Variants in MSRA observed in about 807,000 individuals in gnomAD.
MSRA encodes the protein mitochondrial peptide methionine sulfoxide reductase.
MSRA carries 54 observed loss-of-function variants against 31.3 expected under a neutral mutation model. The ratio of observed to expected loss-of-function variants is 1.73; its 90% CI spans 1.39 to 2.17. The LOEUF is 2.17. Among genes scored for constraint, MSRA ranks in the 30% most tolerant of loss-of-function variants. The probability of loss-of-function intolerance (pLI) is 0.00; values close to 1 mark genes in which losing one functional copy is unlikely to be tolerated. For missense variants in MSRA, 507 were observed against 300.9 expected (o/e 1.69, Z -5.07); for synonymous variants, 169 against 116.5 (o/e 1.45, Z -2.90).
intron 1 of MSRA, among the ~76,000 whole-genome samples, chr8:10,068,584 C>A (rs553747124): frequency 6.6e-6 from 1 of 152,136 alleles, no homozygotes; most frequent in Non-Finnish European, 1.5e-5. Context: ...CATCGTATTG[C>A]CTTTGCTCAT....
chr8:10,278,152 T>C (rs1251407774), intron 3 of MSRA, among the ~76,000 whole-genome samples: 2 of 152,208 alleles, frequency 1.3e-5, no homozygotes, highest in Admixed American at 6.5e-5. Context: ...GTGGTTCTTC[T>C]GGACTGAGAA....
intron 4 of MSRA, among the ~76,000 whole-genome samples, chr8:10,312,297 A>C (rs1801475323): frequency 6.6e-6 from 1 of 152,258 alleles, no homozygotes; most frequent in Non-Finnish European, 1.5e-5. Context: ...GAGAAGACAC[A>C]AATATACAAC....
At chr8:10,245,059 T>A (rs372910520) in intron 2 of MSRA, 45 bp from the exon 3 acceptor site, 37 of 1,598,670 alleles carry the variant, frequency 2.3e-5, no homozygotes, top group Middle Eastern at 1.7e-4. Context: ...GACCACTTTG[T>A]TTTGAATAAT....
At chr8:10,249,921 G>C (rs1301799417) in intron 3 of MSRA, among the ~76,000 whole-genome samples, 4 of 152,128 alleles carry the variant, frequency 2.6e-5, no homozygotes, top group Non-Finnish European at 5.9e-5. Context: ...GGCCTTACTT[G>C]AATAAATTAA....
intron 3 of MSRA, among the ~76,000 whole-genome samples, chr8:10,286,430 G>A (rs576596246): frequency 7.9e-5 from 12 of 152,234 alleles, no homozygotes; most frequent in Middle Eastern, 3.4e-3. Flanking sequence ...GCCTGCTGCC[G>A]CCGCCATCCA....
intron 1 of MSRA, among the ~76,000 whole-genome samples, chr8:10,089,918 C>T (rs1798774164): frequency 6.6e-6 from 1 of 152,122 alleles, no homozygotes; most frequent in African/African-American, 2.4e-5. Flanking sequence ...TGGGATATGC[C>T]CCCAGGAGCC....
chr8:10,088,707 G>T (rs760423551), intron 1 of MSRA, among the ~76,000 whole-genome samples: 5 of 152,094 alleles, frequency 3.3e-5, no homozygotes, highest in African/African-American at 4.8e-5. Flanking sequence ...CTGTGCTCCA[G>T]CCTGGGCACC....
rs183979083 is a variant in MSRA, at chr8:10,124,230, A to T, written c.142+69572A>T. Reference sequence around the variant, plus strand: ...ATTTGTGATAGATAAGTGGACAGGGAGATCATTGGCAAAGCCATTGATAAA... The same window carrying T: ...ATTTGTGATAGATAAGTGGACAGGGTGATCATTGGCAAAGCCATTGATAAA... On this transcript the variant is annotated intron_variant, in intron 1 of 5. Transcript: ENST00000317173. Among the ~76,000 whole-genome samples, 30 of 152,306 alleles carry T rather than the reference A, an allele frequency of 2.0e-4. 1 individual carries two copies. The highest frequency in any genetic ancestry group is 1.5e-3 in the South Asian group (7 of 4,824).
intron 1 of MSRA, among the ~76,000 whole-genome samples, chr8:10,056,277 T>A (rs1013024096): frequency 6.6e-6 from 1 of 150,672 alleles, no homozygotes; most frequent in Non-Finnish European, 1.5e-5. Context: ...AAGGTCAAGA[T>A]GGACCAAAAT....
intron 1 of MSRA, among the ~76,000 whole-genome samples, chr8:10,069,178 T>C (rs1007488085): frequency 6.6e-6 from 1 of 152,242 alleles, no homozygotes; most frequent in Middle Eastern, 3.2e-3. Flanking sequence ...TTCTGGATTT[T>C]CTACATAGAC....
chr8:10,267,317 G>C (rs925209103), intron 3 of MSRA, among the ~76,000 whole-genome samples: 1 of 152,164 alleles, frequency 6.6e-6, no homozygotes, highest in African/African-American at 2.4e-5. Flanking sequence ...GGTTCTTATT[G>C]TGCAGACACA....
At chr8:10,074,542 T>A (rs1450925473) in intron 1 of MSRA, among the ~76,000 whole-genome samples, 1 of 152,256 alleles carries the variant, frequency 6.6e-6, no homozygotes, top group Non-Finnish European at 1.5e-5. Context: ...TTATTGATTA[T>A]TAATTGATAG....
chr8:10,202,272 A>G (rs1808566413), intron 1 of MSRA, among the ~76,000 whole-genome samples: 1 of 152,222 alleles, frequency 6.6e-6, no homozygotes, highest in Non-Finnish European at 1.5e-5. Flanking sequence ...AATGTCTTTA[A>G]AAACTCCACC....
chr8:10,391,671 T>C (rs1806756876), intron 5 of MSRA, among the ~76,000 whole-genome samples: 1 of 152,176 alleles, frequency 6.6e-6, no homozygotes, highest in Non-Finnish European at 1.5e-5. Context: ...GAGCGTGGGC[T>C]AGGAGTCGGT....
At chr8:10,211,832 C>T (rs184241500) in intron 2 of MSRA, among the ~76,000 whole-genome samples, 37 of 152,144 alleles carry the variant, frequency 2.4e-4, no homozygotes, top group African/African-American at 3.9e-4. Context: ...CGTGGAGGGC[C>T]GGGTTCCAGC....
chr8:10,137,526 G>C (rs1585008103), intron 1 of MSRA, among the ~76,000 whole-genome samples: 1 of 152,176 alleles, frequency 6.6e-6, no homozygotes. Flanking sequence ...TCAATGAAAA[G>C]GGCTTCTATA....
chr8:10,338,599 A>G (rs531675153), intron 5 of MSRA, among the ~76,000 whole-genome samples: 1 of 152,382 alleles, frequency 6.6e-6, no homozygotes, highest in African/African-American at 2.4e-5. Context: ...TGCACTCCAT[A>G]AAGATATACA....
chr8:10,351,189 T>C (rs1296784656), intron 5 of MSRA, among the ~76,000 whole-genome samples: 1 of 151,958 alleles, frequency 6.6e-6, no homozygotes, highest in Admixed American at 6.5e-5. Context: ...AATTCATCTC[T>C]TTCCCTCCCA....
intron 5 of MSRA, among the ~76,000 whole-genome samples, chr8:10,407,560 C>T (rs1486923699): frequency 6.6e-6 from 1 of 152,034 alleles, no homozygotes; most frequent in Non-Finnish European, 1.5e-5. Flanking sequence ...CAAATGATGC[C>T]GTGTGCCAAG....
Sources: allele counts gnomAD v4.1 joint callset (sites outside exome capture counted in the v4.1 genomes callset), GRCh38; gene constraint gnomAD v4.1.1; transcripts MANE v1.5; gene names NCBI Gene and HGNC (gene_info 2026-07-23, HGNC 2026-07-21).